P2RY6: variants seen among roughly 807,000 people sequenced by gnomAD.
The protein encoded by P2RY6 is P2Y purinoceptor 6.
Under a neutral mutation model 16.3 loss-of-function variants are expected in P2RY6, and 19 were observed. That is an observed-to-expected ratio of 1.16 (90% CI 0.81 to 1.71). The LOEUF is 1.71. Ranked by LOEUF, P2RY6 falls within the 40% of genes most tolerant of loss-of-function variation. P2RY6 has a pLI of 0.00. For synonymous variants in P2RY6, 184 were observed against 201.5 expected, an observed-to-expected ratio of 0.91 and a Z score of 0.74; for missense variants, 389 against 455.5, an observed-to-expected ratio of 0.85 and a Z score of 1.33.
chr11:73,265,346 A>C (rs1178750203), intron 1 of P2RY6: 2 of 151,938 alleles, frequency 1.3e-5, no homozygotes, highest in Non-Finnish European at 2.9e-5. Flanking sequence ...AGCTGCTCCG[A>C]AATCTCATTT....
chr11:73,276,175 C>T (rs1032282876), intron 1 of P2RY6, among the ~76,000 whole-genome samples: 1 of 152,170 alleles, frequency 6.6e-6, no homozygotes, highest in Non-Finnish European at 1.5e-5. Flanking sequence ...CAATATGATA[C>T]CACTTTACAC....
At chr11:73,281,523 CT>C (rs1346435536) in intron 1 of P2RY6, among the ~76,000 whole-genome samples, 1 of 152,220 alleles carries the variant, frequency 6.6e-6, no homozygotes, top group Non-Finnish European at 1.5e-5. Flanking sequence ...TCAGCCATGG[CT>C]TACAGACACA....
intron 1 of P2RY6, among the ~76,000 whole-genome samples, chr11:73,275,645 C>T (rs1863506193): frequency 6.6e-6 from 1 of 151,280 alleles, no homozygotes; most frequent in Non-Finnish European, 1.5e-5. Flanking sequence ...GAGAAGGACA[C>T]ACCTCCATAG....
chr11:73,284,305 CTTG>C (rs1374434706), intron 1 of P2RY6, among the ~76,000 whole-genome samples: 5 of 152,264 alleles, frequency 3.3e-5, no homozygotes, highest in South Asian at 2.1e-4. Flanking sequence ...CACGAATTGA[CTTG>C]TTGTGTTCAT....
chr11:73,272,486 G>A lies in P2RY6; in HGVS notation c.-121+20G>A, dbSNP rs1863353947. On this transcript the variant is annotated intron_variant, in intron 1 of 2. Coordinates refer to ENST00000540124, the MANE Select transcript of P2RY6 (RefSeq NM_001277204.2). ...TCTTGGGTGAGTTTTCTGGGTCCAT[G>A]CCTGGAAGGGCTTGCGCCCCTCAGC... The A allele has an allele frequency of 1.0e-6, 1 of 985,422 alleles. No homozygotes were observed. Among genetic ancestry groups the A allele is most frequent in the South Asian group, 4.7e-5 (1 of 21,296 alleles). 61.0% of individuals were successfully genotyped at this position (985,422 alleles called of 1,614,324 possible).
upstream of P2RY6, among the ~76,000 whole-genome samples, chr11:73,270,753 G>A (rs990804085): frequency 3.9e-5 from 6 of 152,166 alleles, no homozygotes; most frequent in East Asian, 3.9e-4. Flanking sequence ...CCCAGTCTTC[G>A]CACTAGCCTG....
chr11:73,270,358 G>A (rs1462133146), upstream of P2RY6, among the ~76,000 whole-genome samples: 1 of 152,084 alleles, frequency 6.6e-6, no homozygotes, highest in South Asian at 2.1e-4. Context: ...GGAGGGTGGG[G>A]CAGGCTGGCA....
intron 1 of P2RY6, among the ~76,000 whole-genome samples, chr11:73,293,797 G>A (rs1231723926): frequency 6.6e-6 from 1 of 152,156 alleles, no homozygotes; most frequent in Non-Finnish European, 1.5e-5. Context: ...ACCAGGGTGT[G>A]GGAGCGGCAC....
intron 1 of P2RY6, among the ~76,000 whole-genome samples, chr11:73,285,217 C>T (rs1383139238): frequency 6.6e-6 from 1 of 152,220 alleles, no homozygotes; most frequent in Non-Finnish European, 1.5e-5. Context: ...GTTACAGGCA[C>T]ACGCCAACAC....
intron 1 of P2RY6, among the ~76,000 whole-genome samples, chr11:73,277,575 TA>T (rs989685041): frequency 1.3e-5 from 2 of 152,206 alleles, no homozygotes; most frequent in African/African-American, 4.8e-5. Flanking sequence ...ACAATAGGAT[TA>T]GCCCAAATAT....
At chr11:73,275,388 C>T (rs1331123930) in intron 1 of P2RY6, among the ~76,000 whole-genome samples, 3 of 152,198 alleles carry the variant, frequency 2.0e-5, no homozygotes, top group Admixed American at 2.0e-4. Context: ...TTCAAATCAG[C>T]CCACAGTTCC....
intron 1 of P2RY6, among the ~76,000 whole-genome samples, chr11:73,294,496 T>C (rs943793773): frequency 1.3e-5 from 2 of 152,248 alleles, no homozygotes; most frequent in Non-Finnish European, 2.9e-5. Flanking sequence ...GGCTATGCTA[T>C]GGTGGGCTGC....
intron 1 of P2RY6, among the ~76,000 whole-genome samples, chr11:73,272,872 G>A (rs1017800244): frequency 8.5e-5 from 13 of 152,166 alleles, no homozygotes; most frequent in African/African-American, 2.4e-4. Context: ...CTCTCCCTGC[G>A]TATGTGAACA....
In P2RY6 at chr11:73,296,640, T is replaced by C; in HGVS notation, c.122T>C (p.Leu41Pro). The change falls in exon 3 of 3, where the codon CTG (leucine) becomes CCG (proline). Residue 41 changes from leucine (L) to proline (P), a missense_variant. By Grantham distance (98) the Leu-to-Pro change is moderately conservative. Transcript: ENST00000540124. The part of the protein sequence containing the change: ...PVYSAVLAAG[L>P]PLNICVITQI... ...TATTCGGCGGTGCTGGCGGCTGGCC[T>C]GCCGCTGAACATCTGTGTCATTACC... is the stretch of plus-strand genomic sequence containing the variant. 6.2e-7 allele frequency: 1 copy of C among 1,614,208 alleles called. No homozygotes were observed. Among genetic ancestry groups the C allele is most frequent in the Non-Finnish European group, 8.5e-7 (1 of 1,180,040 alleles).
In P2RY6 at chr11:73,290,118, A is replaced by C. The variant is rs923641545; in HGVS notation, c.-120-5612A>C. Among the ~76,000 whole-genome samples the C allele has an allele frequency of 1.3e-4, 20 of 152,168 alleles. No homozygotes were observed. In the East Asian group the frequency reaches 3.7e-3, roughly 28 times the overall value. ...TGCCTGTACATCCCAGTTACTTGGG[A>C]GGCTGAGGCAGGAGAATCGCTTGAA... On this transcript the variant is annotated intron_variant, in intron 1 of 2. Coordinates refer to ENST00000540124, the MANE Select transcript of P2RY6 (RefSeq NM_001277204.2).
At chr11:73,292,681 C>G (rs1864306286) in intron 1 of P2RY6, 1 of 439,992 alleles carries the variant, frequency 2.3e-6, no homozygotes, top group South Asian at 9.6e-5. Flanking sequence ...CTCCTTGCTC[C>G]TCTAAGCCCA....
upstream of P2RY6, among the ~76,000 whole-genome samples, chr11:73,271,212 G>A (rs925023702): frequency 2.0e-5 from 3 of 152,146 alleles, no homozygotes; most frequent in African/African-American, 7.2e-5. Flanking sequence ...TCCTCATCAA[G>A]CCCAAGCTCA....
chr11:73,285,647 G>A (rs1591681373), intron 1 of P2RY6, among the ~76,000 whole-genome samples: 1 of 152,160 alleles, frequency 6.6e-6, no homozygotes, highest in Non-Finnish European at 1.5e-5. Context: ...AGCTGTTGGG[G>A]GCCTTAGTTT....
rs762966677 is a variant in P2RY6, at chr11:73,296,921, T to G, written c.403T>G (p.Trp135Gly). 1 of 1,608,540 alleles carries G rather than the reference T, an allele frequency of 6.2e-7. No homozygotes were observed. The highest frequency in any genetic ancestry group is 8.5e-7 in the Non-Finnish European group (1 of 1,179,976). ...GGGCATCTGCCACCCGCTGGCCCCC[T>G]GGCACAAACGTGGGGGCCGCCGGGC... ...YLGICHPLAP[W>G]HKRGGRRAAW... Residue 135 changes from tryptophan (W) to glycine (G), a missense_variant, in exon 3 of 3, where the codon TGG becomes GGG. Trp to Gly is a radical substitution (Grantham distance 184). Transcript: ENST00000540124.
Sources: allele counts gnomAD v4.1 joint callset (sites outside exome capture counted in the v4.1 genomes callset), GRCh38; gene constraint gnomAD v4.1.1; transcripts MANE v1.5; gene names NCBI Gene and HGNC (gene_info 2026-07-23, HGNC 2026-07-21).